Variants in CYYR1 observed in about 807,000 individuals in gnomAD.
CYYR1 encodes cysteine and tyrosine-rich protein 1.
A neutral mutation model predicts 15.2 loss-of-function variants in CYYR1; 14 were observed. The observed-to-expected ratio is 0.92, with a 90% CI of 0.61 to 1.44. The LOEUF (loss-of-function observed/expected upper bound fraction) is 1.44. Among genes scored for constraint, CYYR1 ranks in the 40% most tolerant of loss-of-function variants. The probability of loss-of-function intolerance (pLI) is 0.00; values close to 1 mark genes in which losing one functional copy is unlikely to be tolerated. For synonymous variants in CYYR1, 80 were observed against 77.4 expected (o/e 1.03, Z -0.18); for missense variants, 228 against 209.5 (o/e 1.09, Z -0.54).
chr21:26,486,257 A>G (rs977114403), intron 2 of CYYR1, among the ~76,000 whole-genome samples: 3 of 152,124 alleles, frequency 2.0e-5, no homozygotes, highest in Non-Finnish European at 4.4e-5. Flanking sequence ...TCACAGAACA[A>G]AAGTTTTTAA....
chr21:26,514,542 G>A (rs1057385015), intron 2 of CYYR1, among the ~76,000 whole-genome samples: 1 of 152,194 alleles, frequency 6.6e-6, no homozygotes, highest in East Asian at 1.9e-4. Flanking sequence ...ATTGCCTGCA[G>A]AACCATGAGC....
chr21:26,481,591 G>A (rs34802119), intron 2 of CYYR1, among the ~76,000 whole-genome samples: 25,707 of 151,812 alleles, frequency 0.17, 2,398 homozygotes, highest in Non-Finnish European at 0.21. Flanking sequence ...AATATTCCAC[G>A]GTGTGTATGT....
At chr21:26,522,706 G>C (rs2123567081) in intron 2 of CYYR1, among the ~76,000 whole-genome samples, 1 of 152,282 alleles carries the variant, frequency 6.6e-6, no homozygotes, top group South Asian at 2.1e-4. Flanking sequence ...AAAATCTACA[G>C]TCTATCAGGA....
intron 2 of CYYR1, among the ~76,000 whole-genome samples, chr21:26,533,293 G>A (rs951829682): frequency 6.6e-6 from 1 of 150,856 alleles, no homozygotes; most frequent in African/African-American, 2.4e-5. Flanking sequence ...ATTGGCTTAC[G>A]GAATTATGAG....
chr21:26,471,210 T>G (rs898620711), intron 3 of CYYR1: 1 of 152,190 alleles, frequency 6.6e-6, no homozygotes, highest in Non-Finnish European at 1.5e-5. Flanking sequence ...GCAGCCTCCA[T>G]GCAGCAGGAA....
chr21:26,506,388 G>A (rs1335670293), intron 2 of CYYR1, among the ~76,000 whole-genome samples: 1 of 151,992 alleles, frequency 6.6e-6, no homozygotes, highest in Non-Finnish European at 1.5e-5. Context: ...CTGCACTTTT[G>A]GATTCACGAA....
Position 26,536,207 on chromosome 21 carries a change from C to T in CYYR1, c.176+30059G>A, listed in dbSNP as rs1238212508. Among the ~76,000 whole-genome samples the T allele has an allele frequency of 2.6e-5, 4 of 152,154 alleles. No individual in the cohort carries two copies. The East Asian group carries it at 5.8e-4, about 22-fold the overall frequency. ...AAGTCCACCCCCATGATTCAATTAT[C>T]TCCCACCAGGCCCCTTCCCTGACAC... is the stretch of plus-strand genomic sequence containing the variant. On this transcript the variant is annotated intron_variant, in intron 2 of 3. Transcript: ENST00000652641.
rs1327634007 is a variant in CYYR1, at chr21:26,505,917, C to A, written c.177-25488G>T. Among the ~76,000 whole-genome samples, 11 of 152,344 alleles carry A rather than the reference C, an allele frequency of 7.2e-5. No individual in the cohort carries two copies. In the East Asian group the frequency reaches 1.9e-3, roughly 27 times the overall value. On this transcript the variant is annotated intron_variant, in intron 2 of 3. Coordinates refer to ENST00000652641, the MANE Select transcript of CYYR1 (RefSeq NM_001320768.2). ...TACATAAAATCAAAGTACTGCCCCACTTTGACCCTTTCTCTGCTTTGTTAA... is the reference window on the plus strand; with the variant it reads ...TACATAAAATCAAAGTACTGCCCCAATTTGACCCTTTCTCTGCTTTGTTAA...
At chr21:26,555,432 T>C (rs1037787329) in intron 2 of CYYR1, among the ~76,000 whole-genome samples, 1 of 152,198 alleles carries the variant, frequency 6.6e-6, no homozygotes, top group Admixed American at 6.5e-5. Flanking sequence ...AAATGCAGCA[T>C]AGAGAGATAT....
intron 2 of CYYR1, among the ~76,000 whole-genome samples, chr21:26,501,737 A>T (rs2065484276): frequency 6.6e-6 from 1 of 152,200 alleles, no homozygotes; most frequent in Admixed American, 6.5e-5. Flanking sequence ...GGATTCCCAC[A>T]GTTAGACTGA....
intron 2 of CYYR1, among the ~76,000 whole-genome samples, chr21:26,501,913 G>T (rs1404026738): frequency 6.6e-6 from 1 of 152,108 alleles, no homozygotes; most frequent in Non-Finnish European, 1.5e-5. Flanking sequence ...AATGAATGTG[G>T]ATAAACACAT....
Position 26,552,427 on chromosome 21 carries a change from C to T in CYYR1, c.176+13839G>A, listed in dbSNP as rs114280293. Among the ~76,000 whole-genome samples, 992 of 152,188 alleles carry T rather than the reference C, an allele frequency of 6.5e-3. 10 individuals are homozygous for T. The highest frequency in any genetic ancestry group is 0.023 in the African/African-American group (940 of 41,526). On this transcript the variant is annotated intron_variant, in intron 2 of 3. Coordinates refer to ENST00000652641, the MANE Select transcript of CYYR1 (RefSeq NM_001320768.2). ...AACATATATTTGAGTAGGTTCAGAA[C>T]AAAATCCATTTGCTGTTTTTACTGG...
At chr21:26,502,738 C>G (rs1225081134) in intron 2 of CYYR1, among the ~76,000 whole-genome samples, 1 of 151,888 alleles carries the variant, frequency 6.6e-6, no homozygotes, top group East Asian at 1.9e-4. Flanking sequence ...TTTCTGTTTC[C>G]TATTGTTTGT....
At chr21:26,552,873 T>C (rs957143394) in intron 2 of CYYR1, among the ~76,000 whole-genome samples, 4 of 152,152 alleles carry the variant, frequency 2.6e-5, no homozygotes, top group Non-Finnish European at 5.9e-5. Flanking sequence ...AATAGTCGAT[T>C]GCATTTTAAC....
At chr21:26,553,410 C>T (rs222961) in intron 2 of CYYR1, among the ~76,000 whole-genome samples, 118,902 of 152,034 alleles carry the variant, frequency 0.78, 46,515 homozygotes, top group East Asian at 0.87. Flanking sequence ...TAGCTCCATA[C>T]TCTTTCTCCT....
intron 2 of CYYR1, among the ~76,000 whole-genome samples, chr21:26,528,728 A>G (rs2123593916): frequency 6.6e-6 from 1 of 152,270 alleles, no homozygotes; most frequent in African/African-American, 2.4e-5. Context: ...AAAGTCTAAG[A>G]CTCAGTTCAA....
At chr21:26,520,585 G>T (rs1190129392) in intron 2 of CYYR1, among the ~76,000 whole-genome samples, 2 of 152,092 alleles carry the variant, frequency 1.3e-5, no homozygotes, top group African/African-American at 4.8e-5. Flanking sequence ...GTTCCTTTGG[G>T]TATATACCCA....
intron 2 of CYYR1, among the ~76,000 whole-genome samples, chr21:26,556,161 GA>G (rs1445151875): frequency 6.6e-6 from 1 of 152,168 alleles, no homozygotes; most frequent in African/African-American, 2.4e-5. Flanking sequence ...TATTCCATGA[GA>G]AGATACTATT....
chr21:26,572,370 G>A (rs1048442388), intron 1 of CYYR1, among the ~76,000 whole-genome samples: 2 of 152,174 alleles, frequency 1.3e-5, no homozygotes, highest in Non-Finnish European at 2.9e-5. Flanking sequence ...GTACAGATTA[G>A]ACCCTGGGTG....
Sources: allele counts gnomAD v4.1 joint callset (sites outside exome capture counted in the v4.1 genomes callset), GRCh38; gene constraint gnomAD v4.1.1; transcripts MANE v1.5; gene names NCBI Gene and HGNC (gene_info 2026-07-23, HGNC 2026-07-21).